SEC24D: variants seen among roughly 807,000 people sequenced by gnomAD.
SEC24D encodes the protein SEC24 homolog D, COPII component.
A neutral mutation model predicts 116.9 loss-of-function variants in SEC24D; 69 were observed. The observed-to-expected ratio is 0.59, with a 90% CI of 0.49 to 0.72. The LOEUF is 0.72. SEC24D is among the 30% of genes least tolerant of loss of function. The pLI, the probability that SEC24D is intolerant of heterozygous loss-of-function variation, is 0.00. For missense variants in SEC24D, 1,131 were observed against 1,264.1 expected, an observed-to-expected ratio of 0.89 and a Z score of 1.60; for synonymous variants, 405 against 442.8, an observed-to-expected ratio of 0.91 and a Z score of 1.07.
At chr4:118,728,738 T>C (rs1725534384) in intron 21 of SEC24D, 88 bp from the exon 22 acceptor site, 1 of 792,622 alleles carries the variant, frequency 1.3e-6, no homozygotes, top group African/African-American at 1.7e-5. Context: ...GTTAAAAACA[T>C]AAAACCATGT....
chr4:118,733,109 T>C (rs1725778294), intron 19 of SEC24D, 197 bp from the exon 20 acceptor site: 3 of 523,656 alleles, frequency 5.7e-6, no homozygotes, highest in South Asian at 4.6e-5. Flanking sequence ...GTTGTTTTTA[T>C]TTTATCTAGT....
At chr4:118,767,352 G>A (rs1219134757) in intron 9 of SEC24D, among the ~76,000 whole-genome samples, 2 of 152,212 alleles carry the variant, frequency 1.3e-5, no homozygotes, top group Admixed American at 6.5e-5. Context: ...CCCGTGGGTA[G>A]AACCATGTGT....
chr4:118,770,469 G>A (rs4834703), intron 8 of SEC24D, among the ~76,000 whole-genome samples: 11,720 of 152,242 alleles, frequency 0.077, 552 homozygotes, highest in Non-Finnish European at 0.098. Context: ...TCCAGTTACT[G>A]CTCTGTTCCA....
In SEC24D at chr4:118,752,100, T is replaced by C. The variant is rs1318869977; in HGVS notation, c.1614-11A>G. On this transcript the variant is annotated splice_polypyrimidine_tract_variant and intron_variant, in intron 12 of 22. Transcript: ENST00000280551. ...ATCTGGTCCAACAAACTATAAGACATGAGTAAGCAAAAGGTTTGAAATGTT... is the reference window on the plus strand; with the variant it reads ...ATCTGGTCCAACAAACTATAAGACACGAGTAAGCAAAAGGTTTGAAATGTT... 1 of 1,535,030 alleles carries C rather than the reference T, an allele frequency of 6.5e-7. No individual in the cohort carries two copies. Among genetic ancestry groups the C allele is most frequent in the Non-Finnish European group, 9.0e-7 (1 of 1,113,522 alleles).
chr4:118,731,761 A>C (rs926224869), intron 20 of SEC24D, among the ~76,000 whole-genome samples: 1 of 152,234 alleles, frequency 6.6e-6, no homozygotes, highest in Non-Finnish European at 1.5e-5. Flanking sequence ...GTTATGAAGA[A>C]AAGATGCACA....
intron 15 of SEC24D, 128 bp from the exon 16 acceptor site, chr4:118,741,165 T>C (rs1726209033): frequency 6.1e-6 from 3 of 490,772 alleles, no homozygotes; most frequent in African/African-American, 5.9e-5. Context: ...TTTTATTATA[T>C]ATTATGCTTC....
chr4:118,783,864 T>C (rs1365940633), intron 8 of SEC24D, among the ~76,000 whole-genome samples: 2 of 152,152 alleles, frequency 1.3e-5, no homozygotes. Flanking sequence ...TGGAAAAAAA[T>C]ATAGGGCTCT....
chr4:118,756,876 A>G (rs1727122360), intron 11 of SEC24D, among the ~76,000 whole-genome samples: 1 of 152,200 alleles, frequency 6.6e-6, no homozygotes, highest in Non-Finnish European at 1.5e-5. Flanking sequence ...AAATAAAAGG[A>G]TAGTGTTAGT....
intron 3 of SEC24D, among the ~76,000 whole-genome samples, chr4:118,822,575 A>C (rs1016747437): frequency 3.3e-5 from 5 of 152,056 alleles, no homozygotes; most frequent in African/African-American, 1.2e-4. Flanking sequence ...AGTTTACAAC[A>C]ATTTTTTTTG....
At chr4:118,812,047 TC>T (rs1729942456) in intron 6 of SEC24D, among the ~76,000 whole-genome samples, 1 of 152,106 alleles carries the variant, frequency 6.6e-6, no homozygotes, top group Non-Finnish European at 1.5e-5. Flanking sequence ...ATGTGCCAGT[TC>T]CAAGCCTAAG....
intron 21 of SEC24D, chr4:118,731,061 T>G: frequency 2.2e-6 from 1 of 449,916 alleles, no homozygotes; most frequent in East Asian, 4.4e-5. Flanking sequence ...GTACAGAGAC[T>G]GGCACATAGT....
At chr4:118,776,090 G>A (rs1342484904) in intron 8 of SEC24D, among the ~76,000 whole-genome samples, 1 of 151,762 alleles carries the variant, frequency 6.6e-6, no homozygotes, top group East Asian at 1.9e-4. Flanking sequence ...GAAGGAGTTA[G>A]GGAGGGGAAA....
intron 3 of SEC24D, among the ~76,000 whole-genome samples, chr4:118,824,118 AC>A (rs1730502330): frequency 6.6e-6 from 1 of 152,148 alleles, no homozygotes; most frequent in South Asian, 2.1e-4. Flanking sequence ...ATTTTTAAAT[AC>A]CTACTAATAC....
rs758910502 is a variant in SEC24D, at chr4:118,764,905, T to C, written c.1193A>G (p.Tyr398Cys). The C allele has an allele frequency of 5.7e-6, 9 of 1,591,956 alleles. No homozygotes were observed. Among genetic ancestry groups the C allele is most frequent in the Admixed American group, 5.0e-5 (3 of 59,772 alleles). Residue 398 changes from tyrosine (Y) to cysteine (C), a missense_variant, in exon 10 of 23, where the codon TAT becomes TGT. Coordinates refer to ENST00000280551, the MANE Select transcript of SEC24D (RefSeq NM_014822.4). ...CNCVNDVPPF[Y>C]FQHLDHIGRR... ...TCCAATGTGGTCCAGATGTTGGAAA[T>C]AGAATGGTGGAACTAATAAAAACAA...
In SEC24D at chr4:118,732,875, T is replaced by C. The variant is rs1363927299; in HGVS notation, c.2534A>G (p.Tyr845Cys). The part of the protein sequence containing the change: ...LPDSMKVLPV[Y>C]MNCLLKNCVL... ...ACAGTTTTTCAACAAGCAATTCATG[T>C]ACACTGGCAATACTTTCATGGAATC... The change falls in exon 20 of 23, where the codon TAC becomes TGC. Residue 845 changes from tyrosine to cysteine, a missense_variant. Tyr to Cys is a radical substitution (Grantham distance 194). Transcript: ENST00000280551. 2 of 1,613,918 alleles carry C rather than the reference T, an allele frequency of 1.2e-6. No individual in the cohort carries two copies. Among genetic ancestry groups the C allele is most frequent in the Non-Finnish European group, 1.7e-6 (2 of 1,179,936 alleles).
chr4:118,726,410 G>A (rs1725416111), intron 22 of SEC24D, among the ~76,000 whole-genome samples: 1 of 152,206 alleles, frequency 6.6e-6, no homozygotes, highest in Non-Finnish European at 1.5e-5. Context: ...AGAATCAATT[G>A]TCTTTAGCAA....
chr4:118,825,420 C>A, intron 2 of SEC24D: 1 of 371,140 alleles, frequency 2.7e-6, no homozygotes, highest in Non-Finnish European at 5.2e-6. Flanking sequence ...CATTTATTAG[C>A]AGCTCTTCTC....
At position 118,768,322 on chromosome 4, in the gene SEC24D, G is replaced by A. The variant is rs775040727; in HGVS notation, c.1042-11C>T. ...CAAGTAAAGGGGACTCTATGGAGAA[G>A]CAAGAAAAATTAAATGAACAGGTGA... On this transcript the variant is annotated splice_polypyrimidine_tract_variant and intron_variant, in intron 8 of 22. Coordinates refer to ENST00000280551, the MANE Select transcript of SEC24D (RefSeq NM_014822.4). 5 of 1,602,882 alleles carry A rather than the reference G, an allele frequency of 3.1e-6. No homozygotes were observed. The highest frequency in any genetic ancestry group is 4.3e-6 in the Non-Finnish European group (5 of 1,176,158).
At chr4:118,724,519 A>C (rs1163091820) in intron 22 of SEC24D, among the ~76,000 whole-genome samples, 1 of 152,220 alleles carries the variant, frequency 6.6e-6, no homozygotes, top group Non-Finnish European at 1.5e-5. Flanking sequence ...TACAGATTAC[A>C]TATAGAAATT....
Sources: allele counts gnomAD v4.1 joint callset (sites outside exome capture counted in the v4.1 genomes callset), GRCh38; gene constraint gnomAD v4.1.1; transcripts MANE v1.5; gene names NCBI Gene and HGNC (gene_info 2026-07-23, HGNC 2026-07-21).